Variants in ERO1A observed in about 807,000 individuals in gnomAD.
The protein encoded by ERO1A is endoplasmic reticulum oxidoreductase 1 alpha.
In ERO1A, 49 loss-of-function variants were observed where a neutral mutation model predicts 76.9. That is an observed-to-expected ratio of 0.64 (90% CI 0.51 to 0.81). ERO1A has a LOEUF of 0.81. Ranked by LOEUF, ERO1A falls within the 30% of genes least tolerant of loss-of-function variation. The pLI, the probability that ERO1A is intolerant of heterozygous loss-of-function variation, is 0.00. For missense variants in ERO1A, 448 were observed against 542.1 expected (o/e 0.83, Z 1.72); for synonymous variants, 174 against 181.2 (o/e 0.96, Z 0.32).
At chr14:52,658,860 A>G (rs769590662) in intron 9 of ERO1A, among the ~76,000 whole-genome samples, 1 of 152,218 alleles carries the variant, frequency 6.6e-6, no homozygotes, top group Non-Finnish European at 1.5e-5. Flanking sequence ...TACAAAAGGC[A>G]TAAGAAATAA....
At position 52,666,423 on chromosome 14, in the gene ERO1A, G is replaced by T; in HGVS notation, c.581C>A (p.Pro194Gln). The T allele has an allele frequency of 6.2e-7, 1 of 1,610,508 alleles. No individual in the cohort carries two copies. Among genetic ancestry groups the T allele is most frequent in the South Asian group, 1.1e-5 (1 of 90,378 alleles). Residue 194 changes from proline (P) to glutamine (Q), a missense_variant, in exon 7 of 16, where the codon CCA becomes CAA. Pro to Gln is a moderately conservative substitution (Grantham distance 76). Around this residue, in one of 2 missense-constraint regions of ERO1A, gnomAD observed 302 missense variants for 411.9 expected, o/e 0.73. Transcript: ENST00000395686. ...NPERYTGYKG[P>Q]DAWKIWNVIY... ...GACATTCCATATTTTCCAAGCATCT[G>T]GTCCCTTGTAACCAGTGTAGCGCTC... is the stretch of plus-strand genomic sequence containing the variant.
chr14:52,681,290 T>C (rs2040984030), intron 3 of ERO1A, among the ~76,000 whole-genome samples: 1 of 152,180 alleles, frequency 6.6e-6, no homozygotes, highest in Non-Finnish European at 1.5e-5. Flanking sequence ...TGGAATGTTA[T>C]TCAGCGTTAA....
At chr14:52,682,558 G>C (rs1033999712) in intron 2 of ERO1A, 150 bp from the exon 3 acceptor site, 10 of 600,116 alleles carry the variant, frequency 1.7e-5, no homozygotes, top group Non-Finnish European at 2.7e-5. Flanking sequence ...TATAACAACT[G>C]CATAAATGTG....
intron 3 of ERO1A, among the ~76,000 whole-genome samples, chr14:52,681,271 G>T (rs763987065): frequency 1.3e-5 from 2 of 152,168 alleles, no homozygotes; most frequent in Admixed American, 6.5e-5. Context: ...ACATAGTATA[G>T]GCATACAGTG....
chr14:52,645,953 T>C (rs1452292705), intron 15 of ERO1A, among the ~76,000 whole-genome samples: 1 of 152,024 alleles, frequency 6.6e-6, no homozygotes, highest in African/African-American at 2.4e-5. Flanking sequence ...GGAGAATCGC[T>C]TGAACCCAGA....
chr14:52,680,102 A>C (rs929545288), intron 3 of ERO1A, among the ~76,000 whole-genome samples: 2 of 150,352 alleles, frequency 1.3e-5, no homozygotes, highest in Non-Finnish European at 3.0e-5. Context: ...AAAAAAAAAA[A>C]ACAAAGTATT....
Position 52,657,997 on chromosome 14 carries a change from T to A in ERO1A, c.728A>T (p.Glu243Val), listed in dbSNP as rs1425801883. 1.9e-6 allele frequency: 3 copies of A among 1,610,198 alleles called. No homozygotes were observed. The highest frequency in any genetic ancestry group is 2.5e-6 in the Non-Finnish European group (3 of 1,177,830). ...TATAAGTCTGTAGAATGCTCTTTTT[T>A]CTACACAGAGACCTAAGAAAAAGCA... ...FYSWLEGLCV[E>V]KRAFYRLISG... The change falls in exon 11 of 16, where the codon GAA (glutamate) becomes GTA (valine). Residue 243 changes from glutamate (E) to valine (V), a missense_variant. Transcript: ENST00000395686.
chr14:52,667,823 G>T (rs2040461904), intron 6 of ERO1A, among the ~76,000 whole-genome samples: 2 of 151,748 alleles, frequency 1.3e-5, no homozygotes, highest in African/African-American at 4.8e-5. Context: ...AGCCAACAAA[G>T]AATTAAAAAG....
chr14:52,647,955 G>A (rs1488871221), intron 13 of ERO1A, among the ~76,000 whole-genome samples: 2 of 152,172 alleles, frequency 1.3e-5, no homozygotes, highest in African/African-American at 4.8e-5. Flanking sequence ...ATAAATCAAT[G>A]ATTGGAACCC....
intron 1 of ERO1A, 150 bp from the exon 2 acceptor site, chr14:52,684,057 T>C (rs919917283): frequency 1.9e-4 from 102 of 533,122 alleles, no homozygotes; most frequent in Non-Finnish European, 2.7e-4. Flanking sequence ...GGTATGACAA[T>C]AATCTAGTAA....
At chr14:52,680,082 C>CAAAAAAAAAAAAAAAAAAAACAAA (rs2040939131) in intron 3 of ERO1A, among the ~76,000 whole-genome samples, 2 of 90,932 alleles carry the variant, frequency 2.2e-5, no homozygotes, top group African/African-American at 4.1e-5. Flanking sequence ...AAAACACAAA[C>CAAAAAAAAAAAAAAAAAAAACAAA]AAAAAAAAAA....
Position 52,671,789 on chromosome 14 carries a change from T to C in ERO1A, c.434+6A>G. Reference sequence around the variant, plus strand: ...CATGAAATACTGCTGAAAAATAAAATCAAACCTCAGAGATTCATCCACTGC... The same window carrying C: ...CATGAAATACTGCTGAAAAATAAAACCAAACCTCAGAGATTCATCCACTGC... On this transcript the variant is annotated splice_donor_region_variant and intron_variant, in intron 5 of 15. Coordinates refer to ENST00000395686, the MANE Select transcript of ERO1A (RefSeq NM_014584.3). The C allele has an allele frequency of 6.2e-7, 1 of 1,602,232 alleles. No homozygotes were observed. The highest frequency in any genetic ancestry group is 8.5e-7 in the Non-Finnish European group (1 of 1,174,046).
At chr14:52,686,487 C>T (rs2041180035) in intron 1 of ERO1A, among the ~76,000 whole-genome samples, 1 of 152,146 alleles carries the variant, frequency 6.6e-6, no homozygotes, top group Non-Finnish European at 1.5e-5. Flanking sequence ...AGCCCCAAAC[C>T]AGAAAGAAAT....
chr14:52,646,628 C>A, intron 13 of ERO1A, 167 bp from the exon 14 acceptor site: 1 of 528,670 alleles, frequency 1.9e-6, no homozygotes, highest in Non-Finnish European at 3.3e-6. Context: ...CTTACATACA[C>A]AATCTCATTT....
At chr14:52,653,998 G>C (rs924498592) in intron 11 of ERO1A, among the ~76,000 whole-genome samples, 1 of 152,000 alleles carries the variant, frequency 6.6e-6, no homozygotes, top group African/African-American at 2.4e-5. Context: ...GTTTATACCT[G>C]TTTTCAGAAG....
At chr14:52,658,275 G>T (rs1167711916) in intron 9 of ERO1A, 125 bp from the exon 10 acceptor site, 5 of 663,816 alleles carry the variant, frequency 7.5e-6, no homozygotes, top group Non-Finnish European at 1.3e-5. Context: ...TAACCTAACG[G>T]TCCAAGTCTT....
At chr14:52,668,023 G>T (rs867206627) in intron 6 of ERO1A, among the ~76,000 whole-genome samples, 1 of 151,698 alleles carries the variant, frequency 6.6e-6, no homozygotes, top group South Asian at 2.1e-4. Context: ...AAATTAGGGG[G>T]AAATTTGCTT....
intron 6 of ERO1A, among the ~76,000 whole-genome samples, chr14:52,669,123 A>G (rs2040512059): frequency 1.3e-5 from 2 of 152,182 alleles, no homozygotes; most frequent in South Asian, 4.1e-4. Context: ...AATACTTTCT[A>G]TATTTCACGT....
chr14:52,686,969 G>T (rs1283636722), intron 1 of ERO1A, among the ~76,000 whole-genome samples: 2 of 152,182 alleles, frequency 1.3e-5, no homozygotes, highest in Admixed American at 6.5e-5. Flanking sequence ...GGGAGTATAA[G>T]GGTGGCAGGA....
Sources: gnomAD v4.1 joint callset for allele counts (sites outside exome capture counted in the v4.1 genomes callset) on GRCh38, gnomAD v4.1.1 for gene constraint, gnomAD v4.1.1 regional missense constraint, MANE v1.5 for transcripts, NCBI Gene and HGNC (gene_info 2026-07-23, HGNC 2026-07-21) for gene names.